The following CTNNA3 variants were observed in gnomAD, a reference collection of about 807,000 sequenced individuals.
CTNNA3 encodes catenin alpha 3.
CTNNA3 carries 76 observed loss-of-function variants against 95.7 expected under a neutral mutation model. The observed-to-expected ratio is 0.79, with a 90% CI of 0.66 to 0.96. The LOEUF is 0.96. CTNNA3 is among the 40% of genes least tolerant of loss of function. CTNNA3 has a pLI of 0.00. For synonymous variants in CTNNA3, 431 were observed against 374.4 expected, an observed-to-expected ratio of 1.15 and a Z score of -1.74; for missense variants, 1,191 against 1,089.8, an observed-to-expected ratio of 1.09 and a Z score of -1.31.
chr10:67,423,567 A>C (rs888167903), intron 5 of CTNNA3, among the ~76,000 whole-genome samples: 5 of 152,142 alleles, frequency 3.3e-5, no homozygotes, highest in African/African-American at 1.2e-4. Context: ...TAGACACTAA[A>C]CACTTTTCAG....
At chr10:67,492,233 G>A (rs1317063085) in intron 5 of CTNNA3, among the ~76,000 whole-genome samples, 2 of 151,462 alleles carry the variant, frequency 1.3e-5, no homozygotes, top group Non-Finnish European at 2.9e-5. Flanking sequence ...ACATGTAGGA[G>A]AAAAATTGGG....
intron 3 of CTNNA3, among the ~76,000 whole-genome samples, chr10:67,566,039 G>GTA (rs1437054675): frequency 5.0e-5 from 1 of 19,882 alleles, no homozygotes; most frequent in East Asian, 3.5e-3. Context: ...ACATATGTGT[G>GTA]TGTGTATATA....
chr10:65,968,912 T>C (rs1017649794), intron 16 of CTNNA3, among the ~76,000 whole-genome samples: 7 of 152,208 alleles, frequency 4.6e-5, no homozygotes, highest in African/African-American at 1.7e-4. Flanking sequence ...TAGGGAATTA[T>C]AGGCAAACCT....
chr10:66,969,305 T>C (rs1430866120), intron 7 of CTNNA3, among the ~76,000 whole-genome samples: 1 of 152,140 alleles, frequency 6.6e-6, no homozygotes, highest in Non-Finnish European at 1.5e-5. Context: ...AACTTATCAT[T>C]ACATTGTGAA....
intron 9 of CTNNA3, among the ~76,000 whole-genome samples, chr10:66,625,491 T>C (rs116653294): frequency 0.011 from 1,736 of 152,166 alleles, 37 homozygotes; most frequent in African/African-American, 0.039. Flanking sequence ...TGGGCTCAAA[T>C]GATCCTCCCA....
At chr10:66,652,691 T>A (rs1845952328) in intron 9 of CTNNA3, among the ~76,000 whole-genome samples, 1 of 151,942 alleles carries the variant, frequency 6.6e-6, no homozygotes, top group East Asian at 1.9e-4. Context: ...TACAAAAAAA[T>A]AAAATTACAT....
intron 10 of CTNNA3, among the ~76,000 whole-genome samples, chr10:66,561,666 A>G (rs1184112525): frequency 2.0e-5 from 3 of 152,108 alleles, no homozygotes; most frequent in African/African-American, 7.2e-5. Flanking sequence ...CATTCAAAAC[A>G]GGAAGCAAGG....
chr10:66,554,707 A>T (rs1271535309), intron 10 of CTNNA3, among the ~76,000 whole-genome samples: 2 of 152,086 alleles, frequency 1.3e-5, no homozygotes, highest in African/African-American at 4.8e-5. Context: ...AAATGTAGTA[A>T]ATGTAGTATA....
rs138524655 is a variant in CTNNA3, at chr10:66,228,899, C to A, written c.1884+51571G>T. On this transcript the variant is annotated intron_variant, in intron 13 of 17. Coordinates refer to ENST00000433211, the MANE Select transcript of CTNNA3 (RefSeq NM_013266.4). ...ATTTATCATTATATAATAACTTTGTCTCTTTTAATGTTTTTTGACTTAAAG... is the reference window on the plus strand; with the variant it reads ...ATTTATCATTATATAATAACTTTGTATCTTTTAATGTTTTTTGACTTAAAG... Among the ~76,000 whole-genome samples, 437 of 152,136 alleles carry A rather than the reference C, an allele frequency of 2.9e-3. 1 individual carries two copies. The highest frequency in any genetic ancestry group is 0.01 in the Middle Eastern group (3 of 294).
intron 12 of CTNNA3, among the ~76,000 whole-genome samples, chr10:66,365,181 T>C (rs536264892): frequency 6.6e-6 from 1 of 152,234 alleles, no homozygotes; most frequent in African/African-American, 2.4e-5. Flanking sequence ...GTGGCACATA[T>C]ACACCATGGA....
In CTNNA3 at chr10:67,674,805, T is replaced by C. The variant is rs533043621; in HGVS notation, c.-6+21195A>G. Among the ~76,000 whole-genome samples the C allele has an allele frequency of 3.9e-5, 6 of 152,304 alleles. No individual in the cohort carries two copies. The South Asian group carries it at 1.2e-3, about 32-fold the overall frequency. ...CTCCTAGGTTGCCTGTTCATTTCCT[T>C]ACTGACTTCAAAGAATTCCCTATAT... On this transcript the variant is annotated intron_variant, in intron 1 of 17. Transcript: ENST00000433211.
chr10:67,721,437 C>T (rs1157469600), intron 1 of CTNNA3, among the ~76,000 whole-genome samples: 1 of 152,028 alleles, frequency 6.6e-6, no homozygotes, highest in African/African-American at 2.4e-5. Context: ...CTTTCTTCCA[C>T]TTGATTGATT....
rs376496959 is a variant in CTNNA3, at chr10:67,512,523, C to T, written c.579+9319G>A. On this transcript the variant is annotated intron_variant, in intron 5 of 17. Transcript: ENST00000433211. Reference sequence around the variant, plus strand: ...ATATACTTTAAAGGTTTAGACGACACGGGATTCTAGAAATTGTCAATAAAT... The same window carrying T: ...ATATACTTTAAAGGTTTAGACGACATGGGATTCTAGAAATTGTCAATAAAT... 3.3e-5 allele frequency among the ~76,000 whole-genome samples: 5 copies of T among 152,194 alleles called. No homozygotes were observed. In the East Asian group the frequency reaches 5.8e-4, roughly 18 times the overall value.
At chr10:66,989,465 T>A (rs894396680) in intron 7 of CTNNA3, among the ~76,000 whole-genome samples, 1 of 152,182 alleles carries the variant, frequency 6.6e-6, no homozygotes, top group African/African-American at 2.4e-5. Flanking sequence ...TATTTCATTG[T>A]GGAATAAAAT....
intron 13 of CTNNA3, among the ~76,000 whole-genome samples, chr10:66,276,746 T>G (rs4440927): frequency 0.47 from 71,274 of 151,810 alleles, 18,215 homozygotes; most frequent in African/African-American, 0.69. Flanking sequence ...AAAATATTAA[T>G]TAGCTTCAGT....
chr10:66,922,163 T>C (rs564069711), intron 7 of CTNNA3, among the ~76,000 whole-genome samples: 171 of 152,332 alleles, frequency 1.1e-3, no homozygotes, highest in African/African-American at 3.9e-3. Context: ...TTTATAATTG[T>C]ATAAATCATT....
chr10:67,368,518 C>T (rs563501111), intron 5 of CTNNA3, among the ~76,000 whole-genome samples: 1 of 152,252 alleles, frequency 6.6e-6, no homozygotes, highest in South Asian at 2.1e-4. Context: ...GATATTTGCT[C>T]AAGATAAATC....
intron 5 of CTNNA3, among the ~76,000 whole-genome samples, chr10:67,251,618 G>A (rs1414518978): frequency 2.0e-5 from 3 of 152,156 alleles, no homozygotes; most frequent in Non-Finnish European, 4.4e-5. Context: ...TGGCAGCTCA[G>A]AACCAATGAG....
At chr10:67,244,689 T>C (rs1269267620) in intron 5 of CTNNA3, among the ~76,000 whole-genome samples, 1 of 152,118 alleles carries the variant, frequency 6.6e-6, no homozygotes, top group East Asian at 1.9e-4. Context: ...ATAGGAATTA[T>C]AAGGAAAGCA....
Sources: gnomAD v4.1 joint callset for allele counts (sites outside exome capture counted in the v4.1 genomes callset) on GRCh38, gnomAD v4.1.1 for gene constraint, MANE v1.5 for transcripts, NCBI Gene and HGNC (gene_info 2026-07-23, HGNC 2026-07-21) for gene names.